The following GORASP2 variants were observed in gnomAD, a reference collection of about 807,000 sequenced individuals.
The protein encoded by GORASP2 is golgi reassembly stacking protein 2.
In GORASP2, 22 loss-of-function variants were observed where a neutral mutation model predicts 45.7. That is an observed-to-expected ratio of 0.48 (90% CI 0.34 to 0.69). The LOEUF is 0.69. GORASP2 is among the 30% of genes least tolerant of loss of function. The probability of loss-of-function intolerance (pLI) is 0.01; values close to 1 mark genes in which losing one functional copy is unlikely to be tolerated. For missense variants in GORASP2, 491 were observed against 562.7 expected (o/e 0.87, Z 1.29); for synonymous variants, 221 against 215.6 (o/e 1.02, Z -0.22).
intron 9 of GORASP2, 60 bp from the exon 10 acceptor site, chr2:170,965,730 C>A: frequency 8.7e-7 from 1 of 1,153,016 alleles, no homozygotes; most frequent in Non-Finnish European, 1.3e-6. Context: ...AGCCCTTTGA[C>A]AATGCCTGCT....
intron 3 of GORASP2, 32 bp downstream of exon 3, chr2:170,949,774 T>C (rs1427921616): frequency 6.9e-7 from 1 of 1,438,994 alleles, no homozygotes; most frequent in Admixed American, 1.7e-5. Flanking sequence ...TTACTGGAGG[T>C]TCATGAAGCA....
rs891944568 is a variant in GORASP2 at position 170,962,776 on chromosome 2, G to A, written c.911-63G>A. 44 of 1,091,968 alleles carry A rather than the reference G, an allele frequency of 4.0e-5. No individual in the cohort carries two copies. In the Middle Eastern group the frequency reaches 9.9e-4, roughly 24 times the overall value. The allele number at this position is 1,091,968 out of a possible 1,614,324, so 67.6% of individuals were successfully genotyped here. Reference sequence around the variant, plus strand: ...GTGGCTGGGATTGTTTTTAATACACGAGGATTTATTTCTTCCCCAGGTCAA... The same window carrying A: ...GTGGCTGGGATTGTTTTTAATACACAAGGATTTATTTCTTCCCCAGGTCAA... On this transcript the variant is annotated intron_variant, in intron 8 of 9. Transcript: ENST00000234160.
intron 1 of GORASP2, among the ~76,000 whole-genome samples, chr2:170,939,338 A>G (rs186116659): frequency 6.5e-4 from 99 of 152,348 alleles, no homozygotes; most frequent in African/African-American, 1.7e-3. Context: ...TGTGAAGACA[A>G]TGTTTTAGCA....
At chr2:170,963,046 T>G (rs1305664941) in intron 9 of GORASP2, 100 bp downstream of exon 9, 2 of 765,812 alleles carry the variant, frequency 2.6e-6, no homozygotes, top group South Asian at 2.9e-5. Context: ...CAAATCAGTT[T>G]AACAGATTTC....
chr2:170,951,574 T>TA (rs1037124277), intron 5 of GORASP2, 116 bp downstream of exon 5: 93 of 825,574 alleles, frequency 1.1e-4, no homozygotes, highest in East Asian at 2.5e-4. Context: ...AGACTCCTCT[T>TA]AAAAAAAAGG....
At chr2:170,936,551 C>T in intron 1 of GORASP2, 1 of 879,460 alleles carries the variant, frequency 1.1e-6, no homozygotes, top group Non-Finnish European at 1.6e-6. Flanking sequence ...CTGTACATTT[C>T]CCTGTTGGCA....
At chr2:170,929,622 C>A in intron 1 of GORASP2, 1 of 591,524 alleles carries the variant, frequency 1.7e-6, no homozygotes, top group South Asian at 1.9e-5. Context: ...TGTAGGAGGA[C>A]GGGCTGGAGC....
At chr2:170,954,848 G>A (rs1704386862) in intron 6 of GORASP2, 66 bp downstream of exon 6, 1 of 1,249,428 alleles carries the variant, frequency 8.0e-7, no homozygotes, top group Non-Finnish European at 1.2e-6. Context: ...GTGTTTCAGT[G>A]CTACTATATG....
In GORASP2 at chr2:170,966,047, G is replaced by A; in HGVS notation, c.1276G>A (p.Glu426Lys). 2 of 1,614,072 alleles carry A rather than the reference G, an allele frequency of 1.2e-6. No individual in the cohort carries two copies. The highest frequency in any genetic ancestry group is 8.5e-7 in the Non-Finnish European group (1 of 1,179,966). ...PPTAKAPTTV[E>K]DRVGDSTPVS... ...CACTGCCAAGGCCCCCACCACCGTT[G>A]AGGACAGAGTCGGCGACTCCACCCC... Residue 426 changes from glutamate to lysine, a missense_variant, in exon 10 of 10, where the codon GAG (glutamate) becomes AAG (lysine). This residue lies in a region of GORASP2 where 297 missense variants were observed against 292.3 expected (regional missense o/e 1.02). Transcript: ENST00000234160.
intron 1 of GORASP2, among the ~76,000 whole-genome samples, chr2:170,931,874 C>A (rs749864412): frequency 2.0e-5 from 3 of 152,190 alleles, no homozygotes; most frequent in Non-Finnish European, 4.4e-5. Context: ...ATCCCCACTC[C>A]AGAGTAACCA....
rs1057189405 is a variant in GORASP2, at chr2:170,946,062, A to T, written c.64-2288A>T. On this transcript the variant is annotated intron_variant, in intron 1 of 9. Coordinates refer to ENST00000234160, the MANE Select transcript of GORASP2 (RefSeq NM_015530.5). ...GGTCTCGCCCTGTCCCCTATACCGGAGTGCAGTGGTGCGACCTGGACTCAT... is the reference window on the plus strand; with the variant it reads ...GGTCTCGCCCTGTCCCCTATACCGGTGTGCAGTGGTGCGACCTGGACTCAT... Among the ~76,000 whole-genome samples the T allele has an allele frequency of 6.6e-5, 10 of 151,912 alleles. 1 individual carries two copies. In the East Asian group the frequency reaches 1.9e-3, roughly 29 times the overall value.
intron 1 of GORASP2, among the ~76,000 whole-genome samples, chr2:170,943,392 CAG>C (rs1704119274): frequency 1.3e-5 from 2 of 152,264 alleles, no homozygotes; most frequent in East Asian, 3.9e-4. Flanking sequence ...ATGGTGATTG[CAG>C]AGTTAGGAGG....
At chr2:170,956,051 A>T (rs1406928062) in intron 6 of GORASP2, among the ~76,000 whole-genome samples, 1 of 152,254 alleles carries the variant, frequency 6.6e-6, no homozygotes, top group Non-Finnish European at 1.5e-5. Context: ...TGAGCAATGA[A>T]AGTTAAAACA....
chr2:170,945,134 A>C lies in GORASP2; in HGVS notation c.64-3216A>C, dbSNP rs562032171. Among the ~76,000 whole-genome samples the C allele has an allele frequency of 5.3e-5, 8 of 152,260 alleles. No homozygotes were observed. The East Asian group carries it at 1.3e-3, about 26-fold the overall frequency. On this transcript the variant is annotated intron_variant, in intron 1 of 9. Transcript: ENST00000234160. ...AGACATTTTATTTGATAACATACAG[A>C]ATATGAAATAACCCCCATAGAAAAC...
rs964311577 is a variant in GORASP2, at chr2:170,966,439, C to A, written c.*309C>A. 3 of 439,938 alleles carry A rather than the reference C, an allele frequency of 6.8e-6. No homozygotes were observed. Among genetic ancestry groups the A allele is most frequent in the African/African-American group, 6.0e-5 (3 of 49,932 alleles). 27.3% of individuals were successfully genotyped at this position (439,938 alleles called of 1,614,324 possible). A position where few individuals can be genotyped will look rare whatever the true frequency, so the allele number is the denominator to read the frequency against. ...ATCTTCGGGAAAGGTGGTGGCGGGG[C>A]GTCCACTAGGTTTCCTGTCCCCTGC... On this transcript the variant is annotated 3_prime_UTR_variant, in exon 10 of 10. Transcript: ENST00000234160.
In GORASP2 at chr2:170,929,928, C is replaced by G. The variant is rs371604550; in HGVS notation, c.63+525C>G. On this transcript the variant is annotated intron_variant, in intron 1 of 9. Coordinates refer to ENST00000234160, the MANE Select transcript of GORASP2 (RefSeq NM_015530.5). ...ACCAGCAGGGCAGGAGACGGAAAACCAAATGGCCTGGAAGTAGGTTCGACG... is the reference window on the plus strand; with the variant it reads ...ACCAGCAGGGCAGGAGACGGAAAACGAAATGGCCTGGAAGTAGGTTCGACG... 969 of 365,384 alleles carry G rather than the reference C, an allele frequency of 2.7e-3. 9 individuals carry two copies. Among genetic ancestry groups the G allele is most frequent in the African/African-American group, 0.02 (879 of 44,532 alleles). The allele number at this position is 365,384 out of a possible 1,614,324, so 22.6% of individuals were successfully genotyped here.
At chr2:170,960,411 G>A (rs1029615340) in intron 7 of GORASP2, among the ~76,000 whole-genome samples, 2 of 152,186 alleles carry the variant, frequency 1.3e-5, no homozygotes, top group Admixed American at 6.5e-5. Flanking sequence ...GCCCACTTGT[G>A]GGCCCTAGAT....
At chr2:170,952,484 A>T (rs529271660) in intron 5 of GORASP2, among the ~76,000 whole-genome samples, 1 of 152,052 alleles carries the variant, frequency 6.6e-6, no homozygotes, top group East Asian at 1.9e-4. Flanking sequence ...ATTAAATCTT[A>T]TTTCTCTTAA....
In GORASP2 at chr2:170,965,266, A is replaced by G. The variant is rs544323513; in HGVS notation, c.1019-524A>G. 2.0e-5 allele frequency among the ~76,000 whole-genome samples: 3 copies of G among 152,268 alleles called. No individual in the cohort carries two copies. In the East Asian group the frequency reaches 5.8e-4, roughly 29 times the overall value. On this transcript the variant is annotated intron_variant, in intron 9 of 9. Coordinates refer to ENST00000234160, the MANE Select transcript of GORASP2 (RefSeq NM_015530.5). The stretch of plus-strand genomic sequence containing the variant: ...CCCACTGAGTGTAATATAAATAGTT[A>G]TCAATCACAGGTTTTAAGCAAATGC...
Sources: gnomAD v4.1 joint callset for allele counts (sites outside exome capture counted in the v4.1 genomes callset) on GRCh38, gnomAD v4.1.1 for gene constraint, gnomAD v4.1.1 regional missense constraint, MANE v1.5 for transcripts, NCBI Gene and HGNC (gene_info 2026-07-23, HGNC 2026-07-21) for gene names.